CCND3: variants seen among roughly 807,000 people sequenced by gnomAD.
The protein encoded by CCND3 is cyclin D3.
A neutral mutation model predicts 28.7 loss-of-function variants in CCND3; 9 were observed. That is an observed-to-expected ratio of 0.31 (90% CI 0.19 to 0.55). CCND3 has a LOEUF of 0.55. Among genes scored for constraint, CCND3 ranks in the 20% least tolerant of loss-of-function variants. The probability of loss-of-function intolerance (pLI) is 0.93; values close to 1 mark genes in which losing one functional copy is unlikely to be tolerated. For missense variants in CCND3, 315 were observed against 385.8 expected, an observed-to-expected ratio of 0.82 and a Z score of 1.54; for synonymous variants, 164 against 163.9, an observed-to-expected ratio of 1.00 and a Z score of 0.00.
At chr6:41,972,227 CAAAAAAAAAAAAAAAAAG>C (rs1419237208) in intron 1 of CCND3, among the ~76,000 whole-genome samples, 1 of 113,042 alleles carries the variant, frequency 8.8e-6, no homozygotes. Context: ...GACTCCATCT[CAAAAAAAAAAAAAAAAAG>C]AAAAGAAAAG....
Position 41,941,708 on chromosome 6 carries a change from C to G in CCND3, c.-59G>C, listed in dbSNP as rs1197195383. On this transcript the variant is annotated 5_prime_UTR_variant, in exon 1 of 5. Transcript: ENST00000372991. The surrounding 1 kb of genome is among the most constrained non-coding windows in gnomAD (Gnocchi z 6.1). The stretch of plus-strand genomic sequence containing the variant: ...GGCTCGCGAGTCCCAAGGCAGGCGA[C>G]GGGCCGGAGAGCGCGGGGCGCGGGT... 2 of 1,215,820 alleles carry G rather than the reference C, an allele frequency of 1.6e-6. No homozygotes were observed. The highest frequency in any genetic ancestry group is 2.1e-6 in the Non-Finnish European group (2 of 951,252). 75.3% of individuals were successfully genotyped at this position (1,215,820 alleles called of 1,614,324 possible).
At chr6:41,937,043 A>G in intron 3 of CCND3, 192 bp downstream of exon 3, 2 of 646,164 alleles carry the variant, frequency 3.1e-6, no homozygotes, top group Non-Finnish European at 5.3e-6. Context: ...TGTCCCCACT[A>G]CAAACTGGAG....
At chr6:41,979,251 C>T (rs953169475) in intron 1 of CCND3, among the ~76,000 whole-genome samples, 10 of 147,064 alleles carry the variant, frequency 6.8e-5, no homozygotes, top group African/African-American at 1.0e-4. Flanking sequence ...TTCAAAATAA[C>T]GGCCGGGCAC....
At chr6:42,042,972 T>A (rs1209487802) in intron 1 of CCND3, among the ~76,000 whole-genome samples, 2 of 152,172 alleles carry the variant, frequency 1.3e-5, no homozygotes, top group African/African-American at 4.8e-5. Flanking sequence ...ATGGCACAGA[T>A]TAGTGGTTAC....
intron 1 of CCND3, among the ~76,000 whole-genome samples, chr6:42,042,908 G>A (rs1764416639): frequency 6.6e-6 from 1 of 152,214 alleles, no homozygotes; most frequent in Non-Finnish European, 1.5e-5. Flanking sequence ...GCTGAGCTAG[G>A]ACTCGAAGTG....
At chr6:41,969,946 C>CTACTTGTAG (rs1206659106) in intron 1 of CCND3, among the ~76,000 whole-genome samples, 1 of 152,110 alleles carries the variant, frequency 6.6e-6, no homozygotes, top group African/African-American at 2.4e-5. Flanking sequence ...GTGGTGAACG[C>CTACTTGTAG]CTGTAGTCCC....
At position 41,941,250 on chromosome 6, in the gene CCND3, T is replaced by G; in HGVS notation, c.198+202A>C. Reference sequence around the variant, plus strand: ...AGTTAGGGTGCCAAGTGACTGGCAGTCACTGTCGGGAGGAGCCGATTAGGG... The same window carrying G: ...AGTTAGGGTGCCAAGTGACTGGCAGGCACTGTCGGGAGGAGCCGATTAGGG... On this transcript the variant is annotated intron_variant, in intron 1 of 4. Coordinates refer to ENST00000372991, the MANE Select transcript of CCND3 (RefSeq NM_001760.5). This position sits in a 1 kb window ranked among gnomAD's most constrained non-coding sequence, Gnocchi z 6.1. The G allele has an allele frequency of 1.4e-6, 2 of 1,432,976 alleles. No homozygotes were observed. Among genetic ancestry groups the G allele is most frequent in the Non-Finnish European group, 1.8e-6 (2 of 1,097,346 alleles). 88.8% of individuals were successfully genotyped at this position (1,432,976 alleles called of 1,614,324 possible).
At chr6:41,952,821 T>TGC (rs1012513473) in intron 1 of CCND3, among the ~76,000 whole-genome samples, 23 of 151,884 alleles carry the variant, frequency 1.5e-4, no homozygotes, top group African/African-American at 5.1e-4. Context: ...AGTGTGTGTG[T>TGC]GTGTGTGTGT....
At chr6:42,019,286 G>A (rs771993592) in intron 1 of CCND3, among the ~76,000 whole-genome samples, 1 of 152,010 alleles carries the variant, frequency 6.6e-6, no homozygotes, top group Non-Finnish European at 1.5e-5. Flanking sequence ...TGAGGAGTTC[G>A]AGACCAGCCT....
intron 1 of CCND3, among the ~76,000 whole-genome samples, chr6:42,007,698 T>G (rs932428439): frequency 5.3e-5 from 8 of 152,178 alleles, no homozygotes; most frequent in African/African-American, 1.9e-4. Flanking sequence ...TTGTGCAGAT[T>G]ACAATTATGA....
At chr6:41,976,930 A>G (rs1485813109) in intron 1 of CCND3, among the ~76,000 whole-genome samples, 1 of 152,166 alleles carries the variant, frequency 6.6e-6, no homozygotes, top group Non-Finnish European at 1.5e-5. Context: ...ATAGGGCAGC[A>G]GTCCCTAAAC....
At chr6:42,037,835 A>G (rs1439123720) in intron 1 of CCND3, among the ~76,000 whole-genome samples, 1 of 151,838 alleles carries the variant, frequency 6.6e-6, no homozygotes, top group Non-Finnish European at 1.5e-5. Flanking sequence ...GTTCAAGACT[A>G]GTCTGACCAA....
At chr6:41,966,627 C>T (rs944242397) in intron 1 of CCND3, among the ~76,000 whole-genome samples, 6 of 152,096 alleles carry the variant, frequency 3.9e-5, no homozygotes, top group African/African-American at 1.4e-4. Context: ...CAGAATTTAC[C>T]ACAGTCTATC....
intron 1 of CCND3, among the ~76,000 whole-genome samples, chr6:42,039,144 T>C (rs1490717408): frequency 1.3e-5 from 2 of 152,214 alleles, no homozygotes; most frequent in African/African-American, 2.4e-5. Context: ...AAACTGGCCA[T>C]GCTGAGGAAT....
intron 1 of CCND3, among the ~76,000 whole-genome samples, chr6:41,975,982 T>C (rs993573009): frequency 3.3e-5 from 5 of 151,860 alleles, no homozygotes; most frequent in Non-Finnish European, 5.9e-5. Context: ...GTCAGGAGGA[T>C]CACTTGAGCC....
intron 1 of CCND3, among the ~76,000 whole-genome samples, chr6:41,982,700 T>A (rs1395719578): frequency 6.6e-6 from 1 of 152,004 alleles, no homozygotes; most frequent in Non-Finnish European, 1.5e-5. Flanking sequence ...GCAACAGTAA[T>A]CACGACAGTG....
intron 1 of CCND3, among the ~76,000 whole-genome samples, chr6:41,971,207 C>G (rs902230026): frequency 1.3e-5 from 2 of 152,164 alleles, no homozygotes; most frequent in East Asian, 1.9e-4. Context: ...CATGAGCCAT[C>G]GCGCCCAGCC....
intron 1 of CCND3, among the ~76,000 whole-genome samples, chr6:41,971,458 C>T (rs1323838200): frequency 4.0e-5 from 6 of 151,890 alleles, no homozygotes; most frequent in Admixed American, 3.9e-4. Context: ...ATTTATAATC[C>T]CCATTTTGTG....
At chr6:41,996,221 C>T (rs887723920) in intron 1 of CCND3, among the ~76,000 whole-genome samples, 2 of 151,040 alleles carry the variant, frequency 1.3e-5, no homozygotes, top group African/African-American at 4.9e-5. Context: ...ATGATCTCGG[C>T]TCACTGCAAC....
Sources: allele counts gnomAD v4.1 joint callset (sites outside exome capture counted in the v4.1 genomes callset), GRCh38; gene constraint gnomAD v4.1.1; non-coding constraint Gnocchi (gnomAD v3.1); transcripts MANE v1.5; gene names NCBI Gene and HGNC (gene_info 2026-07-23, HGNC 2026-07-21).